Variants in CACNA1D observed in about 807,000 individuals in gnomAD.
The protein encoded by CACNA1D is calcium voltage-gated channel subunit alpha1 D.
A neutral mutation model predicts 257.1 loss-of-function variants in CACNA1D; 55 were observed. That is an observed-to-expected ratio of 0.21 (90% CI 0.17 to 0.27). CACNA1D has a LOEUF of 0.27. CACNA1D is among the 10% of genes least tolerant of loss of function. CACNA1D has a pLI of 1.00. For missense variants in CACNA1D, 1,876 were observed against 2,784.0 expected (o/e 0.67, Z 7.34); for synonymous variants, 980 against 1,014.9 (o/e 0.97, Z 0.65).
At chr3:53,802,028 G>T (rs775152872) in intron 42 of CACNA1D, 119 bp from the exon 43 acceptor site, 8 of 882,464 alleles carry the variant, frequency 9.1e-6, no homozygotes, top group Non-Finnish European at 1.6e-5. Context: ...TATGTGGATG[G>T]CGAATCATAA....
chr3:53,665,345 T>C (rs538724768), intron 5 of CACNA1D, among the ~76,000 whole-genome samples: 1 of 152,308 alleles, frequency 6.6e-6, no homozygotes, highest in South Asian at 2.1e-4. Context: ...GATTTCCACA[T>C]GGTAGATGTT....
At chr3:53,695,312 G>A (rs1264647574) in intron 8 of CACNA1D, among the ~76,000 whole-genome samples, 2 of 152,152 alleles carry the variant, frequency 1.3e-5, no homozygotes, top group Non-Finnish European at 2.9e-5. Flanking sequence ...CTGCATCCCA[G>A]GGCAACTGTG....
Position 53,747,459 on chromosome 3 carries a change from G to A in CACNA1D, c.3314+11G>A, listed in dbSNP as rs763947497. ...TGAGGGCTGGCCTGCGTAAGTACAG[G>A]GAGCACACAGTCTTCTGGAGAGGCA... On this transcript the variant is annotated intron_variant, in intron 26 of 47. Transcript: ENST00000350061. 6.2e-7 allele frequency: 1 copy of A among 1,614,014 alleles called. No individual in the cohort carries two copies. The highest frequency in any genetic ancestry group is 8.5e-7 in the Non-Finnish European group (1 of 1,179,924).
At chr3:53,726,814 G>T (rs1209625721) in intron 14 of CACNA1D, 65 bp from the exon 15 acceptor site, 16 of 1,611,132 alleles carry the variant, frequency 9.9e-6, no homozygotes, top group Non-Finnish European at 1.4e-5. Flanking sequence ...GCCACCGAGG[G>T]GCTCTAAGAG....
chr3:53,525,840 G>T (rs932613029), intron 3 of CACNA1D, among the ~76,000 whole-genome samples: 1 of 152,150 alleles, frequency 6.6e-6, no homozygotes, highest in African/African-American at 2.4e-5. Context: ...ACTAGATTAA[G>T]CCAAAGAGGA....
chr3:53,518,409 C>T (rs559845483), intron 3 of CACNA1D, among the ~76,000 whole-genome samples: 2 of 152,252 alleles, frequency 1.3e-5, no homozygotes, highest in African/African-American at 4.8e-5. Flanking sequence ...TACCAGGCAC[C>T]TTGAAGTTGC....
At chr3:53,610,053 A>G (rs773160097) in intron 3 of CACNA1D, among the ~76,000 whole-genome samples, 37 of 152,352 alleles carry the variant, frequency 2.4e-4, no homozygotes, top group Middle Eastern at 3.4e-3. Context: ...ACCAACATCA[A>G]AAGGTCAATC....
chr3:53,763,356 C>T (rs905750128), intron 30 of CACNA1D, among the ~76,000 whole-genome samples: 2 of 152,242 alleles, frequency 1.3e-5, no homozygotes, highest in African/African-American at 4.8e-5. Flanking sequence ...ACCTCTCCCC[C>T]TGCAAAATTA....
chr3:53,537,129 C>G (rs1275027668), intron 3 of CACNA1D, among the ~76,000 whole-genome samples: 1 of 152,188 alleles, frequency 6.6e-6, no homozygotes, highest in Non-Finnish European at 1.5e-5. Context: ...CTACATTGTC[C>G]TTTATTCCAA....
chr3:53,501,745 G>T (rs1432385022), intron 3 of CACNA1D, 25 bp downstream of exon 3: 1 of 1,256,754 alleles, frequency 8.0e-7, no homozygotes, highest in Middle Eastern at 1.9e-4. Context: ...AGTTCCTGCT[G>T]GTCCTGGTAT....
intron 3 of CACNA1D, among the ~76,000 whole-genome samples, chr3:53,511,996 AG>A (rs2091132522): frequency 2.0e-5 from 3 of 152,356 alleles, no homozygotes; most frequent in East Asian, 3.9e-4. Flanking sequence ...AGATAACAAC[AG>A]GGTATAATGA....
chr3:53,702,912 C>A, intron 9 of CACNA1D, 102 bp downstream of exon 9: 1 of 1,250,800 alleles, frequency 8.0e-7, no homozygotes, highest in Non-Finnish European at 1.2e-6. Context: ...GTGAGTGGGA[C>A]AGCCTCCTCC....
chr3:53,803,609 G>T (rs200598636), intron 44 of CACNA1D, 37 bp downstream of exon 44: 3 of 1,607,272 alleles, frequency 1.9e-6, no homozygotes, highest in Non-Finnish European at 2.6e-6. Flanking sequence ...GCGGGAGGCC[G>T]CCCTGCCCTG....
chr3:53,500,432 CAAA>C (rs34272886), intron 2 of CACNA1D, among the ~76,000 whole-genome samples: 159 of 112,902 alleles, frequency 1.4e-3, no homozygotes, highest in Non-Finnish European at 1.7e-3. Context: ...GACCCCATCT[CAAA>C]AAAAAAAAAA....
chr3:53,760,442 AGGCT>A (rs1433067431), intron 29 of CACNA1D, among the ~76,000 whole-genome samples: 2 of 152,244 alleles, frequency 1.3e-5, no homozygotes, highest in African/African-American at 4.8e-5. Flanking sequence ...CGTTGTAAAC[AGGCT>A]GGGCCCCATT....
chr3:53,555,512 A>G (rs2092628003), intron 3 of CACNA1D, among the ~76,000 whole-genome samples: 1 of 147,654 alleles, frequency 6.8e-6, no homozygotes, highest in African/African-American at 2.5e-5. Flanking sequence ...ACAGAGAAAT[A>G]AGTTGACAAA....
chr3:53,667,841 ATGTG>A (rs61605595), intron 7 of CACNA1D, among the ~76,000 whole-genome samples: 6 of 149,898 alleles, frequency 4.0e-5, no homozygotes, highest in Non-Finnish European at 7.4e-5. Context: ...GTGTGTATGC[ATGTG>A]TGTGTGTGTG....
chr3:53,749,772 T>C (rs896555265), intron 27 of CACNA1D, among the ~76,000 whole-genome samples: 1 of 152,238 alleles, frequency 6.6e-6, no homozygotes, highest in African/African-American at 2.4e-5. Flanking sequence ...GAATCTTAGT[T>C]GGGGTGCTGT....
chr3:53,664,480 C>G (rs1381643188), intron 5 of CACNA1D, among the ~76,000 whole-genome samples: 1 of 152,212 alleles, frequency 6.6e-6, no homozygotes, highest in Non-Finnish European at 1.5e-5. Flanking sequence ...GCTTCATGAC[C>G]TGGATTCAAC....
Sources: allele counts gnomAD v4.1 joint callset (sites outside exome capture counted in the v4.1 genomes callset), GRCh38; gene constraint gnomAD v4.1.1; transcripts MANE v1.5; gene names NCBI Gene and HGNC (gene_info 2026-07-23, HGNC 2026-07-21).